The following SMC3 variants were observed in gnomAD, a reference collection of about 807,000 sequenced individuals.
The protein encoded by SMC3 is structural maintenance of chromosomes protein 3.
Under a neutral mutation model 171.8 loss-of-function variants are expected in SMC3, and 20 were observed. The observed-to-expected ratio is 0.12, with a 90% CI of 0.08 to 0.17. The LOEUF is 0.17. SMC3 is among the 10% of genes least tolerant of loss of function. The pLI, the probability that SMC3 is intolerant of heterozygous loss-of-function variation, is 1.00. For missense variants in SMC3, 543 were observed against 1,420.4 expected (o/e 0.38, Z 9.93); for synonymous variants, 464 against 451.1 (o/e 1.03, Z -0.36).
chr10:110,585,034 T>C (rs1367131578), intron 13 of SMC3, among the ~76,000 whole-genome samples: 1 of 152,090 alleles, frequency 6.6e-6, no homozygotes, highest in Non-Finnish European at 1.5e-5. Flanking sequence ...TTTTTTGAGA[T>C]GGAGTTTGGC....
In SMC3 at chr10:110,598,248, A is replaced by G. The variant is rs150649173; in HGVS notation, c.2226A>G (p.Leu742=). The G allele has an allele frequency of 5.6e-6, 9 of 1,613,920 alleles. No homozygotes were observed. In the African/African-American group the frequency reaches 6.7e-5, roughly 12 times the overall value. The change falls in exon 20 of 29, where the codon CTA becomes CTG. Residue 742 remains leucine, a synonymous_variant. Coordinates refer to ENST00000361804, the MANE Select transcript of SMC3 (RefSeq NM_005445.4). ...RDSILSEMKM[L]KEKRQQSEKT... is the part of the protein sequence containing the mutation. Reference sequence around the variant, plus strand: ...GCATATTATCAGAAATGAAGATGCTAAAAGAGAAGAGGCAGCAGTCAGAGA... The same window carrying G: ...GCATATTATCAGAAATGAAGATGCTGAAAGAGAAGAGGCAGCAGTCAGAGA...
chr10:110,601,412 A>G lies in SMC3; in HGVS notation c.2645-225A>G, dbSNP rs545728654. 2.2e-4 allele frequency among the ~76,000 whole-genome samples: 33 copies of G among 152,336 alleles called. No homozygotes were observed. In the South Asian group the frequency reaches 6.4e-3, roughly 30 times the overall value. On this transcript the variant is annotated intron_variant, in intron 23 of 28. Transcript: ENST00000361804. ...ATCACTTAGTTGTTAGAAAATAACT[A>G]TAGTTTATAAGCATTAACATTGAAT...
intron 13 of SMC3, among the ~76,000 whole-genome samples, chr10:110,584,832 C>T (rs2134728533): frequency 6.6e-6 from 1 of 152,232 alleles, no homozygotes; most frequent in Admixed American, 6.5e-5. Context: ...GCCATGTAGC[C>T]TAGGCTGGTC....
chr10:110,588,409 T>A (rs1382904440), intron 13 of SMC3, among the ~76,000 whole-genome samples: 1 of 152,240 alleles, frequency 6.6e-6, no homozygotes, highest in Admixed American at 6.5e-5. Context: ...TGAGGATGAA[T>A]AATTGTCAGT....
At position 110,604,587 on chromosome 10, in the gene SMC3, ATAC is replaced by A. The variant is rs1337505999; in HGVS notation, c.*289_*291del. The stretch of plus-strand genomic sequence containing the variant: ...TTCTTTCCTAATTATTTTATCACTT[ATAC>A]TACCTTTTTTATAGCTTCAATTAAA... On this transcript the variant is annotated 3_prime_UTR_variant, in exon 29 of 29. Coordinates refer to ENST00000361804, the MANE Select transcript of SMC3 (RefSeq NM_005445.4). 1.4e-5 allele frequency: 5 copies of A among 359,324 alleles called. No individual in the cohort carries two copies. Among genetic ancestry groups the A allele is most frequent in the African/African-American group, 6.3e-5 (3 of 47,562 alleles). 22.3% of individuals were successfully genotyped at this position (359,324 alleles called of 1,614,324 possible).
At chr10:110,595,275 G>C (rs1367538822) in intron 18 of SMC3, among the ~76,000 whole-genome samples, 1 of 151,932 alleles carries the variant, frequency 6.6e-6, no homozygotes, top group African/African-American at 2.4e-5. Context: ...CACCATGCCC[G>C]GTCTAGATTC....
chr10:110,599,514 A>G, intron 20 of SMC3, 140 bp from the exon 21 acceptor site: 1 of 686,370 alleles, frequency 1.5e-6, no homozygotes, highest in East Asian at 2.7e-5. Flanking sequence ...TAGAGTCCTA[A>G]TTACCAAATT....
intron 22 of SMC3, 70 bp from the exon 23 acceptor site, chr10:110,600,952 G>A (rs1055665548): frequency 1.2e-5 from 13 of 1,110,052 alleles, no homozygotes; most frequent in Middle Eastern, 2.0e-4. Flanking sequence ...TGTTTATTCA[G>A]ACAATAGCCA....
chr10:110,575,959 A>G (rs1285422161), intron 4 of SMC3, among the ~76,000 whole-genome samples: 1 of 152,238 alleles, frequency 6.6e-6, no homozygotes. Context: ...TAAACAACAT[A>G]CAAGTTGTTT....
In SMC3 at chr10:110,574,892, T is replaced by A. The variant is rs146737777; in HGVS notation, c.131-444T>A. On this transcript the variant is annotated intron_variant, in intron 3 of 28. Coordinates refer to ENST00000361804, the MANE Select transcript of SMC3 (RefSeq NM_005445.4). ...AAACATTTCCCTGTATTTCCTTAGT[T>A]TTATTTCTTTTGGTAAAGTATCCAC... Among the ~76,000 whole-genome samples the A allele has an allele frequency of 6.4e-4, 97 of 152,342 alleles. 2 individuals carry two copies. In the East Asian group the frequency reaches 0.015, roughly 24 times the overall value.
chr10:110,590,046 T>C (rs946756385), intron 15 of SMC3, 55 bp downstream of exon 15: 2 of 1,482,102 alleles, frequency 1.3e-6, no homozygotes, highest in Middle Eastern at 1.7e-4. Context: ...AGTTAATCGT[T>C]ATGTAATAAT....
At chr10:110,581,216 CTTTTT>C (rs59798192) in intron 8 of SMC3, among the ~76,000 whole-genome samples, 195 bp downstream of exon 8, 2 of 103,180 alleles carry the variant, frequency 1.9e-5, no homozygotes, top group African/African-American at 3.7e-5. Flanking sequence ...CGCACACTGA[CTTTTT>C]TTTTTTTTTT....
At chr10:110,589,479 C>T in intron 13 of SMC3, 126 bp from the exon 14 acceptor site, 1 of 673,800 alleles carries the variant, frequency 1.5e-6, no homozygotes, top group Non-Finnish European at 2.7e-6. Flanking sequence ...GTTTTCCATA[C>T]CCCTTTGTAA....
At chr10:110,600,923 A>T (rs1468529675) in intron 22 of SMC3, 99 bp from the exon 23 acceptor site, 1 of 837,232 alleles carries the variant, frequency 1.2e-6, no homozygotes, top group African/African-American at 1.7e-5. Context: ...ATGTATTTAT[A>T]TTTTTTTGTT....
In SMC3 at chr10:110,605,657, C is replaced by G. The variant is rs1291547665; in HGVS notation, c.*1355C>G. ...GTATTATTTATACTTTGTAGCTTTG[C>G]TATAACATAACTGATCTATAATAGA... On this transcript the variant is annotated 3_prime_UTR_variant, in exon 29 of 29. Coordinates refer to ENST00000361804, the MANE Select transcript of SMC3 (RefSeq NM_005445.4). 6.6e-6 allele frequency among the ~76,000 whole-genome samples: 1 copy of G among 152,092 alleles called. No individual in the cohort carries two copies. The highest frequency in any genetic ancestry group is 2.4e-5 in the African/African-American group (1 of 41,392).
chr10:110,567,982 G>A (rs562227384), intron 1 of SMC3, 151 bp downstream of exon 1: 1 of 947,496 alleles, frequency 1.1e-6, no homozygotes, highest in South Asian at 1.5e-5. Flanking sequence ...GGAGACCCGG[G>A]TCCCGCTAGT....
intron 3 of SMC3, 117 bp downstream of exon 3, chr10:110,573,862 T>TG: frequency 1.3e-6 from 1 of 763,996 alleles, no homozygotes; most frequent in Non-Finnish European, 2.3e-6. Context: ...ATACTTTATA[T>TG]GGGGTTGCAG....
In SMC3 at chr10:110,583,829, C is replaced by T. The variant is rs753661805; in HGVS notation, c.970-12C>T. Reference sequence around the variant, plus strand: ...AAATTTAAAGCAGTTTGCATTTTTACTTTGTTTACAGAAACGTTTATTAAA... The same window carrying T: ...AAATTTAAAGCAGTTTGCATTTTTATTTTGTTTACAGAAACGTTTATTAAA... On this transcript the variant is annotated splice_polypyrimidine_tract_variant and intron_variant, in intron 11 of 28. Transcript: ENST00000361804. The T allele has an allele frequency of 6.2e-7, 1 of 1,606,460 alleles. No individual in the cohort carries two copies. Among genetic ancestry groups the T allele is most frequent in the Non-Finnish European group, 8.5e-7 (1 of 1,176,086 alleles).
In SMC3 at chr10:110,583,753, A is replaced by G. The variant is rs1554882701; in HGVS notation, c.970-88A>G. On this transcript the variant is annotated intron_variant, in intron 11 of 28. Transcript: ENST00000361804. Reference sequence around the variant, plus strand: ...TTTCATGTTACAGGTGGGTTTTCTCATGAAGTTTTTTTCCTGAGAAAACAT... The same window carrying G: ...TTTCATGTTACAGGTGGGTTTTCTCGTGAAGTTTTTTTCCTGAGAAAACAT... 11 of 1,482,188 alleles carry G rather than the reference A, an allele frequency of 7.4e-6. No homozygotes were observed. In the South Asian group the frequency reaches 9.7e-5, roughly 13 times the overall value. 91.8% of individuals were successfully genotyped at this position (1,482,188 alleles called of 1,614,324 possible). A position where few individuals can be genotyped will look rare whatever the true frequency, so the allele number is the denominator to read the frequency against.
Sources: allele counts gnomAD v4.1 joint callset (sites outside exome capture counted in the v4.1 genomes callset), GRCh38; gene constraint gnomAD v4.1.1; transcripts MANE v1.5; gene names NCBI Gene and HGNC (gene_info 2026-07-23, HGNC 2026-07-21).